COBL: variants seen among roughly 807,000 people sequenced by gnomAD.
The protein encoded by COBL is protein cordon-bleu.
A neutral mutation model predicts 98.8 loss-of-function variants in COBL; 51 were observed. The ratio of observed to expected loss-of-function variants is 0.52; its 90% CI spans 0.41 to 0.65. COBL has a LOEUF of 0.65. COBL is among the 30% of genes least tolerant of loss of function. The probability of loss-of-function intolerance (pLI) is 0.00; values close to 1 mark genes in which losing one functional copy is unlikely to be tolerated. For synonymous variants in COBL, 634 were observed against 651.7 expected (o/e 0.97, Z 0.41); for missense variants, 1,617 against 1,617.5 (o/e 1.00, Z 0.01).
intron 5 of COBL, among the ~76,000 whole-genome samples, chr7:51,142,566 T>C (rs943970585): frequency 6.6e-6 from 1 of 152,044 alleles, no homozygotes; most frequent in African/African-American, 2.4e-5. Context: ...GTATTTTTAC[T>C]AGAGACAGGG....
At chr7:51,148,518 G>A (rs1706826096) in intron 5 of COBL, among the ~76,000 whole-genome samples, 1 of 152,168 alleles carries the variant, frequency 6.6e-6, no homozygotes, top group African/African-American at 2.4e-5. Context: ...TTGGCCCATG[G>A]ATGCTGTCCA....
chr7:51,313,431 TAAATA>T (rs1175089692), intron 1 of COBL, among the ~76,000 whole-genome samples: 2 of 152,222 alleles, frequency 1.3e-5, no homozygotes, highest in African/African-American at 4.8e-5. Context: ...ATAACTTGAT[TAAATA>T]AATATAAATT....
chr7:51,030,438 C>G (rs1788027556), intron 9 of COBL, among the ~76,000 whole-genome samples: 1 of 152,152 alleles, frequency 6.6e-6, no homozygotes, highest in Non-Finnish European at 1.5e-5. Context: ...CTGAGTATTT[C>G]TCATTGACAG....
chr7:51,217,476 G>C (rs1793177862), intron 2 of COBL, among the ~76,000 whole-genome samples: 1 of 151,402 alleles, frequency 6.6e-6, no homozygotes, highest in African/African-American at 2.4e-5. Context: ...CGAGTAGCTG[G>C]GATTACAGGC....
chr7:51,177,686 T>C (rs574239703), intron 5 of COBL, among the ~76,000 whole-genome samples: 1 of 151,658 alleles, frequency 6.6e-6, no homozygotes, highest in South Asian at 2.1e-4. Context: ...GGCAGGAGAA[T>C]CACTTGAACC....
At chr7:51,058,727 G>A (rs1202344568) in intron 7 of COBL, among the ~76,000 whole-genome samples, 1 of 152,238 alleles carries the variant, frequency 6.6e-6, no homozygotes, top group Non-Finnish European at 1.5e-5. Flanking sequence ...GCTTCATGGA[G>A]AGGCGTGATG....
intron 7 of COBL, among the ~76,000 whole-genome samples, chr7:51,067,101 G>T (rs944220328): frequency 6.6e-5 from 10 of 152,264 alleles, no homozygotes; most frequent in African/African-American, 2.4e-4. Context: ...CAGGCTCAGA[G>T]ATATATTGTG....
intron 1 of COBL, among the ~76,000 whole-genome samples, chr7:51,283,775 G>C (rs561922275): frequency 2.0e-5 from 3 of 152,056 alleles, no homozygotes; most frequent in African/African-American, 4.8e-5. Context: ...GTGAGCCACC[G>C]CATCTGGCCA....
At chr7:51,293,608 A>G (rs957215333) in intron 1 of COBL, among the ~76,000 whole-genome samples, 7 of 152,218 alleles carry the variant, frequency 4.6e-5, no homozygotes, top group African/African-American at 1.7e-4. Flanking sequence ...CAACTGTGGT[A>G]ACAGTTTCAA....
At chr7:51,137,192 T>G (rs543687420) in intron 5 of COBL, among the ~76,000 whole-genome samples, 1 of 152,230 alleles carries the variant, frequency 6.6e-6, no homozygotes, top group African/African-American at 2.4e-5. Context: ...CAGTCAACAC[T>G]GAGAGCCAAT....
In COBL at chr7:51,219,853, G is replaced by A. The variant is rs1373519556; in HGVS notation, c.133C>T (p.Leu45Phe). 2 of 1,613,768 alleles carry A rather than the reference G, an allele frequency of 1.2e-6. No individual in the cohort carries two copies. The highest frequency in any genetic ancestry group is 1.7e-6 in the Non-Finnish European group (2 of 1,180,038). ...SDQKPPHDGA[L>F]GSQQNLVRMK... is the part of the protein sequence containing the mutation. Reference sequence around the variant, plus strand: ...CGAACCAAGTTCTGCTGCGACCCGAGGGCCCCATCGTGGGGGGGCTTCTGG... The same window carrying A: ...CGAACCAAGTTCTGCTGCGACCCGAAGGCCCCATCGTGGGGGGGCTTCTGG... The change falls in exon 2 of 13, where the codon CTC becomes TTC. Residue 45 changes from leucine to phenylalanine, a missense_variant. Transcript: ENST00000265136.
chr7:51,173,431 C>T (rs1167811804), intron 5 of COBL, among the ~76,000 whole-genome samples: 1 of 152,170 alleles, frequency 6.6e-6, no homozygotes, highest in African/African-American at 2.4e-5. Context: ...AATCTGCCCA[C>T]CTCAGCCTCC....
chr7:51,023,143 G>A (rs1164776907), intron 12 of COBL, among the ~76,000 whole-genome samples: 1 of 152,112 alleles, frequency 6.6e-6, no homozygotes, highest in Non-Finnish European at 1.5e-5. Flanking sequence ...TGCACTTCAA[G>A]AGCCATCTTC....
chr7:51,241,425 T>C (rs1795784464), intron 1 of COBL, among the ~76,000 whole-genome samples: 1 of 152,186 alleles, frequency 6.6e-6, no homozygotes, highest in Admixed American at 6.5e-5. Flanking sequence ...AGGCACTCAG[T>C]GCTGGGCAGA....
At chr7:51,045,590 G>A (rs1351779012) in intron 7 of COBL, among the ~76,000 whole-genome samples, 2 of 152,124 alleles carry the variant, frequency 1.3e-5, no homozygotes, top group African/African-American at 2.4e-5. Context: ...TCGCTGAGGC[G>A]CAAAGTGACC....
intron 5 of COBL, among the ~76,000 whole-genome samples, chr7:51,163,475 CATT>C (rs1355841656): frequency 2.0e-5 from 3 of 152,164 alleles, no homozygotes; most frequent in African/African-American, 2.4e-5. Flanking sequence ...CACTGGGAGC[CATT>C]ATTATTTTAA....
At chr7:51,110,674 A>T (rs1796743050) in intron 6 of COBL, among the ~76,000 whole-genome samples, 1 of 152,188 alleles carries the variant, frequency 6.6e-6, no homozygotes, top group African/African-American at 2.4e-5. Flanking sequence ...GTTGTCTTTT[A>T]TCCCTTAACC....
intron 1 of COBL, among the ~76,000 whole-genome samples, chr7:51,306,303 T>G (rs1349189134): frequency 6.6e-6 from 1 of 152,190 alleles, no homozygotes; most frequent in Non-Finnish European, 1.5e-5. Context: ...CCCACTCACC[T>G]GCAGAGAAGA....
Position 51,065,035 on chromosome 7 carries a change from G to A in COBL, c.1096+20131C>T, listed in dbSNP as rs1055093365. On this transcript the variant is annotated intron_variant, in intron 7 of 12. Coordinates refer to ENST00000265136, the MANE Select transcript of COBL (RefSeq NM_015198.5). ...ACAGAATTCATTACATTAGAACTGT[G>A]TGAATAACACTGATTTCAGGAGGAA... The A allele has an allele frequency of 1.6e-5, 10 of 627,476 alleles. No individual in the cohort carries two copies. The African/African-American group carries it at 1.8e-4, about 11-fold the overall frequency. 38.9% of individuals were successfully genotyped at this position (627,476 alleles called of 1,614,324 possible).
Sources: allele counts gnomAD v4.1 joint callset (sites outside exome capture counted in the v4.1 genomes callset), GRCh38; gene constraint gnomAD v4.1.1; transcripts MANE v1.5; gene names NCBI Gene and HGNC (gene_info 2026-07-23, HGNC 2026-07-21).